The following CHL1 variants were observed in gnomAD, a reference collection of about 807,000 sequenced individuals.
CHL1 encodes the protein neural cell adhesion molecule L1-like protein.
In CHL1, 96 loss-of-function variants were observed where a neutral mutation model predicts 141.9. The ratio of observed to expected loss-of-function variants is 0.68; its 90% CI spans 0.57 to 0.80. CHL1 has a LOEUF of 0.80. Among genes scored for constraint, CHL1 ranks in the 30% least tolerant of loss-of-function variants. The probability of loss-of-function intolerance (pLI) is 0.00; values close to 1 mark genes in which losing one functional copy is unlikely to be tolerated. For synonymous variants in CHL1, 613 were observed against 502.2 expected (o/e 1.22, Z -2.95); for missense variants, 1,820 against 1,457.2 (o/e 1.25, Z -4.05).
At chr3:368,605 C>T (rs1705206408) in intron 15 of CHL1, among the ~76,000 whole-genome samples, 1 of 152,182 alleles carries the variant, frequency 6.6e-6, no homozygotes. Flanking sequence ...GATTAGATCC[C>T]ATTTGTAAAT....
chr3:340,913 A>G lies in CHL1; in HGVS notation c.505A>G (p.Ile169Val), dbSNP rs1011746134. Residue 169 changes from isoleucine to valine, a missense_variant, in exon 6 of 28, where the codon ATT becomes GTT. Ile to Val is a conservative substitution (Grantham distance 29, BLOSUM62 3). Transcript: ENST00000256509. The stretch of plus-strand genomic sequence containing the variant: ...ACCTTTACACATTTATTGGATGAAT[A>G]TTGGTAAGTAATGCTCCGTTCCATC... The part of the protein sequence containing the change: ...LPPLHIYWMN[I>V]ELEHIEQDER... The G allele has an allele frequency of 6.2e-7, 1 of 1,612,452 alleles. No homozygotes were observed. Among genetic ancestry groups the G allele is most frequent in the Admixed American group, 1.7e-5 (1 of 59,896 alleles).
At position 230,765 on chromosome 3, in the gene CHL1, C is replaced by T. The variant is rs566107700; in HGVS notation, c.-174-13848C>T. Among the ~76,000 whole-genome samples the T allele has an allele frequency of 4.5e-3, 692 of 152,178 alleles. 1 individual carries two copies. Among genetic ancestry groups the T allele is most frequent in the African/African-American group, 0.016 (669 of 41,514 alleles). ...ATGTAGACTCTTATATTCTTATAGG[C>T]AGATTGCAATAAAACTCTACTAAGC... On this transcript the variant is annotated intron_variant, in intron 1 of 27. Coordinates refer to ENST00000256509, the MANE Select transcript of CHL1 (RefSeq NM_006614.4).
At chr3:379,621 T>A (rs1559334518) in intron 16 of CHL1, among the ~76,000 whole-genome samples, 1 of 152,134 alleles carries the variant, frequency 6.6e-6, no homozygotes, top group African/African-American at 2.4e-5. Context: ...CTTCTCAATT[T>A]CCTTACAAAA....
intron 10 of CHL1, among the ~76,000 whole-genome samples, chr3:353,803 T>A (rs1280637432): frequency 2.0e-5 from 3 of 152,242 alleles, no homozygotes; most frequent in Non-Finnish European, 4.4e-5. Flanking sequence ...TGGGAGTTGC[T>A]ACCTGCAGGT....
At chr3:354,365 A>G (rs1312115745) in intron 10 of CHL1, among the ~76,000 whole-genome samples, 1 of 152,004 alleles carries the variant, frequency 6.6e-6, no homozygotes, top group African/African-American at 2.4e-5. Context: ...TAGCTAAATA[A>G]AATGGTTGTA....
intron 1 of CHL1, among the ~76,000 whole-genome samples, chr3:243,986 A>G (rs989416853): frequency 6.6e-6 from 1 of 152,242 alleles, no homozygotes; most frequent in Non-Finnish European, 1.5e-5. Context: ...ATTGGGAGCC[A>G]ATCCTTGAGA....
chr3:283,290 T>G (rs927838108), intron 2 of CHL1, among the ~76,000 whole-genome samples: 1 of 152,244 alleles, frequency 6.6e-6, no homozygotes, highest in African/African-American at 2.4e-5. Context: ...CATGTATCTT[T>G]TTTGTGATCC....
At chr3:276,751 T>C (rs1479563740) in intron 2 of CHL1, among the ~76,000 whole-genome samples, 1 of 151,962 alleles carries the variant, frequency 6.6e-6, no homozygotes, top group Non-Finnish European at 1.5e-5. Flanking sequence ...TAGCTGGGCA[T>C]GCTGGCCGGC....
rs770105774 is a variant in CHL1, at chr3:391,048, A to G, written c.2680A>G (p.Met894Val). The G allele has an allele frequency of 1.9e-6, 3 of 1,613,768 alleles. No individual in the cohort carries two copies. In the Admixed American group the frequency reaches 5.0e-5, roughly 27 times the overall value. Residue 894 changes from methionine (M) to valine (V), a missense_variant, in exon 22 of 28, where the codon ATG becomes GTG. Coordinates refer to ENST00000256509, the MANE Select transcript of CHL1 (RefSeq NM_006614.4). ...LRFSGQRNSGMVPSLDAFSEF... is the reference protein window; with the variant it reads ...LRFSGQRNSGVVPSLDAFSEF... ...ATTTTCAGGACAAAGAAACTCTGGA[A>G]TGGTTCCTTCCTTAGATGCCTTTAG...
chr3:340,035 T>C (rs1390571607), intron 5 of CHL1, among the ~76,000 whole-genome samples: 1 of 152,158 alleles, frequency 6.6e-6, no homozygotes, highest in Non-Finnish European at 1.5e-5. Context: ...CTTATAAATA[T>C]CAATACTTCC....
chr3:403,534 G>A lies in CHL1; in HGVS notation c.3458+1836G>A, dbSNP rs529554152. 1.3e-4 allele frequency among the ~76,000 whole-genome samples: 20 copies of A among 152,040 alleles called. No individual in the cohort carries two copies. The South Asian group carries it at 3.3e-3, about 25-fold the overall frequency. On this transcript the variant is annotated intron_variant, in intron 27 of 27. Transcript: ENST00000256509. ...TGCACTCCAGCCTGGGCAACATAGC[G>A]AGACTCCATCTCAACAACAAAACAA...
intron 2 of CHL1, among the ~76,000 whole-genome samples, chr3:245,882 G>C (rs996599378): frequency 1.1e-4 from 16 of 152,050 alleles, no homozygotes; most frequent in African/African-American, 3.9e-4. Flanking sequence ...CACTGGAGTG[G>C]TTTTGCCCTC....
intron 5 of CHL1, among the ~76,000 whole-genome samples, chr3:334,530 A>G (rs1701707658): frequency 6.6e-6 from 1 of 152,144 alleles, no homozygotes; most frequent in Non-Finnish European, 1.5e-5. Flanking sequence ...AATTGGAATC[A>G]TGTATATGGT....
At chr3:345,165 C>A (rs1702658910) in intron 9 of CHL1, among the ~76,000 whole-genome samples, 1 of 152,090 alleles carries the variant, frequency 6.6e-6, no homozygotes, top group South Asian at 2.1e-4. Flanking sequence ...ATGATGATAA[C>A]ATTCTCCTTA....
chr3:219,417 T>A (rs2124964803), intron 1 of CHL1, among the ~76,000 whole-genome samples: 1 of 152,162 alleles, frequency 6.6e-6, no homozygotes, highest in South Asian at 2.1e-4. Context: ...AGCAAAGACA[T>A]AAAATCAACC....
At chr3:286,764 A>G (rs996230549) in intron 2 of CHL1, among the ~76,000 whole-genome samples, 1 of 152,206 alleles carries the variant, frequency 6.6e-6, no homozygotes, top group African/African-American at 2.4e-5. Context: ...ATGATTTTCC[A>G]GGAAAGCGGT....
intron 9 of CHL1, among the ~76,000 whole-genome samples, chr3:345,970 T>C (rs533506964): frequency 2.6e-5 from 4 of 152,328 alleles, no homozygotes; most frequent in Non-Finnish European, 5.9e-5. Context: ...TTCCCTACCA[T>C]TGAGGATACC....
At chr3:358,674 C>T (rs9823348) in intron 11 of CHL1, among the ~76,000 whole-genome samples, 1 of 151,758 alleles carries the variant, frequency 6.6e-6, no homozygotes, top group Non-Finnish European at 1.5e-5. Flanking sequence ...ACCTCACACT[C>T]AGGTCCTGCC....
intron 5 of CHL1, among the ~76,000 whole-genome samples, chr3:330,384 A>G (rs1188804156): frequency 1.3e-5 from 2 of 152,090 alleles, no homozygotes; most frequent in Non-Finnish European, 1.5e-5. Flanking sequence ...GAAAAACATA[A>G]AGGATGAAAA....
Sources: gnomAD v4.1 joint callset for allele counts (sites outside exome capture counted in the v4.1 genomes callset) on GRCh38, gnomAD v4.1.1 for gene constraint, MANE v1.5 for transcripts, NCBI Gene and HGNC (gene_info 2026-07-23, HGNC 2026-07-21) for gene names.